The following ATAD2B variants were observed in gnomAD, a reference collection of about 807,000 sequenced individuals.
ATAD2B encodes the protein ATPase family AAA domain-containing protein 2B.
In ATAD2B, 40 loss-of-function variants were observed where a neutral mutation model predicts 167.6. That is an observed-to-expected ratio of 0.24 (90% CI 0.19 to 0.31). The LOEUF (loss-of-function observed/expected upper bound fraction) is 0.31, where lower values mean the gene tolerates loss of function less well. Ranked by LOEUF, ATAD2B falls within the 10% of genes least tolerant of loss-of-function variation. The probability of loss-of-function intolerance (pLI) is 1.00; values close to 1 mark genes in which losing one functional copy is unlikely to be tolerated. For synonymous variants in ATAD2B, 579 were observed against 596.5 expected, an observed-to-expected ratio of 0.97 and a Z score of 0.43; for missense variants, 1,242 against 1,757.2, an observed-to-expected ratio of 0.71 and a Z score of 5.24.
At chr2:23,863,042 A>C (rs1694651682) in intron 12 of ATAD2B, among the ~76,000 whole-genome samples, 1 of 152,208 alleles carries the variant, frequency 6.6e-6, no homozygotes, top group South Asian at 2.1e-4. Context: ...TTTGCAGATT[A>C]AACGTATTAA....
At chr2:23,788,307 G>A in intron 20 of ATAD2B, 1 of 541,414 alleles carries the variant, frequency 1.8e-6, no homozygotes, top group East Asian at 2.9e-5. Flanking sequence ...AAGAAGTCCT[G>A]TTTAGCAAAG....
chr2:23,832,487 T>G (rs1049581419), intron 14 of ATAD2B: 8 of 165,596 alleles, frequency 4.8e-5, no homozygotes. Flanking sequence ...TAACTAAGAC[T>G]AAATAAAATT....
At chr2:23,804,685 A>G (rs1684066715) in intron 18 of ATAD2B, among the ~76,000 whole-genome samples, 1 of 152,020 alleles carries the variant, frequency 6.6e-6, no homozygotes, top group South Asian at 2.1e-4. Flanking sequence ...AAAAAAAAAA[A>G]AAACCCTATA....
At position 23,867,752 on chromosome 2, in the gene ATAD2B, A is replaced by C. The variant is rs899612899; in HGVS notation, c.1188+83T>G. The C allele has an allele frequency of 9.6e-6, 9 of 933,876 alleles. No individual in the cohort carries two copies. The African/African-American group carries it at 1.3e-4, about 14-fold the overall frequency. The allele number at this position is 933,876 out of a possible 1,614,324, so 57.8% of individuals were successfully genotyped here. On this transcript the variant is annotated intron_variant, in intron 10 of 27. Transcript: ENST00000238789. ...TAACACTGTCATATCCGAATTTTCT[A>C]GTTCTACTATGTGCTGCTTTAGAAA...
At chr2:23,717,512 G>A in the ATAD2B span, among the ~76,000 whole-genome samples, 1 of 152,028 alleles carries the variant, frequency 6.6e-6, no homozygotes, top group African/African-American at 2.4e-5. Context: ...AGGAGGTGAC[G>A]GGAGCAAAGT....
chr2:23,842,240 T>C (rs934207529), intron 13 of ATAD2B, among the ~76,000 whole-genome samples: 1 of 152,140 alleles, frequency 6.6e-6, no homozygotes, highest in African/African-American at 2.4e-5. Context: ...TATTCTATTT[T>C]CCCCCACTAA....
At chr2:23,686,884 C>T in the ATAD2B span, among the ~76,000 whole-genome samples, 1 of 152,118 alleles carries the variant, frequency 6.6e-6, no homozygotes. Context: ...TGAAAGTCGC[C>T]GTGTTCGTTT....
chr2:23,789,338 G>A (rs1487701771), intron 19 of ATAD2B, among the ~76,000 whole-genome samples: 4 of 152,074 alleles, frequency 2.6e-5, no homozygotes, highest in African/African-American at 9.7e-5. Context: ...TGTCTACTAT[G>A]GCATTAAACA....
the ATAD2B span, among the ~76,000 whole-genome samples, chr2:23,680,123 C>G: frequency 1.3e-5 from 2 of 152,124 alleles, no homozygotes; most frequent in African/African-American, 4.8e-5. The surrounding 1 kb of genome is among the most constrained non-coding windows in gnomAD (Gnocchi z 4.1). Context: ...AGGGAGACAT[C>G]CTCAGAGGCT....
At chr2:23,827,443 T>G (rs1688424047) in intron 15 of ATAD2B, among the ~76,000 whole-genome samples, 1 of 152,180 alleles carries the variant, frequency 6.6e-6, no homozygotes, top group South Asian at 2.1e-4. Flanking sequence ...GTAGACAGTA[T>G]AATAGAAAGT....
the ATAD2B span, among the ~76,000 whole-genome samples, chr2:23,682,295 T>C: frequency 6.6e-6 from 1 of 152,184 alleles, no homozygotes; most frequent in African/African-American, 2.4e-5. This position sits in a 1 kb window ranked among gnomAD's most constrained non-coding sequence, Gnocchi z 4.1. Context: ...TGCTGTCTCA[T>C]GGAACCTTCA....
At position 23,834,548 on chromosome 2, in the gene ATAD2B, G is replaced by T. The variant is rs1023443845; in HGVS notation, c.1569-470C>A. ...TGATTTACAAAAATTATTTTCAAAG[G>T]CATTCAGAAAATATAGTAGACACCT... On this transcript the variant is annotated intron_variant, in intron 13 of 27. Transcript: ENST00000238789. Among the ~76,000 whole-genome samples the T allele has an allele frequency of 2.5e-4, 38 of 150,718 alleles. 1 individual carries two copies. The highest frequency in any genetic ancestry group is 9.3e-4 in the African/African-American group (38 of 41,032).
At chr2:23,871,769 C>T (rs1265450967) in intron 8 of ATAD2B, among the ~76,000 whole-genome samples, 1 of 152,184 alleles carries the variant, frequency 6.6e-6, no homozygotes. Flanking sequence ...ATTTTCTCAA[C>T]TTCTCCTTAA....
At chr2:23,864,658 A>AC (rs1472383388) in intron 11 of ATAD2B, 151 bp downstream of exon 11, 4 of 433,502 alleles carry the variant, frequency 9.2e-6, no homozygotes, top group Non-Finnish European at 1.6e-5. Flanking sequence ...TGGCCTCTGG[A>AC]CCCTAAACAA....
intron 8 of ATAD2B, chr2:23,872,654 T>G: frequency 7.4e-7 from 1 of 1,346,202 alleles, no homozygotes; most frequent in Non-Finnish European, 1.1e-6. Context: ...TGGAACATCA[T>G]AGGAGAGCCT....
At position 23,825,496 on chromosome 2, in the gene ATAD2B, C is replaced by G. The variant is rs190609477; in HGVS notation, c.1820-1927G>C. 5.6e-4 allele frequency among the ~76,000 whole-genome samples: 85 copies of G among 152,158 alleles called. No individual in the cohort carries two copies. In the East Asian group the frequency reaches 0.012, roughly 22 times the overall value. Reference sequence around the variant, plus strand: ...TTTATTTTCTATTTCTCAAAGAAACCTGGAAAAAAATTATCTTTTCCTTTT... The same window carrying G: ...TTTATTTTCTATTTCTCAAAGAAACGTGGAAAAAAATTATCTTTTCCTTTT... On this transcript the variant is annotated intron_variant, in intron 15 of 27. Transcript: ENST00000238789.
chr2:23,863,361 A>C lies in ATAD2B; in HGVS notation c.1479+20T>G, dbSNP rs1694709260. 1 of 1,545,972 alleles carries C rather than the reference A, an allele frequency of 6.5e-7. No homozygotes were observed. Among genetic ancestry groups the C allele is most frequent in the South Asian group, 1.2e-5 (1 of 82,986 alleles). On this transcript the variant is annotated intron_variant, in intron 12 of 27. Transcript: ENST00000238789. ...CAGAACAGAACAGAAAAGACTCTTG[A>C]ATTAGATGATTTCTCTTACCTGATC...
chr2:23,795,541 A>T (rs1682463290), intron 19 of ATAD2B, among the ~76,000 whole-genome samples: 1 of 152,114 alleles, frequency 6.6e-6, no homozygotes, highest in Non-Finnish European at 1.5e-5. Flanking sequence ...AATATTTATC[A>T]ATATGTGCTA....
intron 1 of ATAD2B, among the ~76,000 whole-genome samples, chr2:23,905,215 A>T (rs1195993346): frequency 2.0e-5 from 3 of 152,214 alleles, no homozygotes; most frequent in Admixed American, 6.5e-5. Flanking sequence ...GAGACAATGT[A>T]GGTACTGAAA....
Sources: gnomAD v4.1 joint callset for allele counts (sites outside exome capture counted in the v4.1 genomes callset) on GRCh38, gnomAD v4.1.1 for gene constraint, Gnocchi (gnomAD v3.1) non-coding constraint, MANE v1.5 for transcripts, NCBI Gene and HGNC (gene_info 2026-07-23, HGNC 2026-07-21) for gene names.